NAALADL2: variants seen among roughly 807,000 people sequenced by gnomAD.
NAALADL2 encodes the protein N-acetylated alpha-linked acidic dipeptidase like 2.
In NAALADL2, 76 loss-of-function variants were observed where a neutral mutation model predicts 87.2. The observed-to-expected ratio is 0.87, with a 90% CI of 0.72 to 1.05. The LOEUF (loss-of-function observed/expected upper bound fraction) is 1.05. Among genes scored for constraint, NAALADL2 ranks in the 50% least tolerant of loss-of-function variants. The pLI is 0.00. For missense variants in NAALADL2, 1,089 were observed against 945.8 expected, an observed-to-expected ratio of 1.15 and a Z score of -1.99; for synonymous variants, 354 against 331.0, an observed-to-expected ratio of 1.07 and a Z score of -0.75.
intron 2 of NAALADL2, among the ~76,000 whole-genome samples, chr3:174,553,245 TATA>T (rs1327067392): frequency 1.3e-5 from 2 of 152,196 alleles, no homozygotes; most frequent in African/African-American, 4.8e-5. Context: ...TGGCAAATGT[TATA>T]ATAATTAGAA....
chr3:174,986,048 A>G (rs1171802577), intron 1 of NAALADL2, among the ~76,000 whole-genome samples: 1 of 152,110 alleles, frequency 6.6e-6, no homozygotes, highest in Non-Finnish European at 1.5e-5. Context: ...TAAGTTTGTC[A>G]TTGTCTACAT....
At chr3:175,530,913 C>G (rs1163987976) in intron 9 of NAALADL2, among the ~76,000 whole-genome samples, 1 of 152,102 alleles carries the variant, frequency 6.6e-6, no homozygotes, top group Admixed American at 6.6e-5. Context: ...CCACCAAAGC[C>G]CAGTAACAGG....
At chr3:174,843,237 A>G (rs1246511559) in intron 3 of NAALADL2, among the ~76,000 whole-genome samples, 1 of 151,958 alleles carries the variant, frequency 6.6e-6, no homozygotes, top group Non-Finnish European at 1.5e-5. Context: ...TATCTGATCA[A>G]TCTCTTCCCA....
intron 2 of NAALADL2, among the ~76,000 whole-genome samples, chr3:175,108,962 A>G (rs1279750512): frequency 2.0e-5 from 3 of 151,838 alleles, no homozygotes; most frequent in African/African-American, 7.2e-5. Context: ...TGTTTGTGCC[A>G]TAGCTAGATC....
intron 11 of NAALADL2, among the ~76,000 whole-genome samples, chr3:175,678,760 A>T (rs547204156): frequency 6.6e-6 from 1 of 152,156 alleles, no homozygotes; most frequent in South Asian, 2.1e-4. Flanking sequence ...GCATTAGGAG[A>T]TATATCTAAT....
chr3:174,513,447 C>T (rs1719738052), intron 1 of NAALADL2: 1 of 152,108 alleles, frequency 6.6e-6, no homozygotes, highest in South Asian at 2.1e-4. Context: ...ATATAACTGG[C>T]ATCTTTCTAA....
intron 1 of NAALADL2, among the ~76,000 whole-genome samples, chr3:174,472,825 T>A (rs1244800868): frequency 6.6e-6 from 1 of 152,188 alleles, no homozygotes; most frequent in Non-Finnish European, 1.5e-5. Context: ...TCCCAAGTGT[T>A]GTTCAGAACC....
chr3:174,452,225 T>C (rs1225197721), intron 1 of NAALADL2, among the ~76,000 whole-genome samples: 2 of 152,260 alleles, frequency 1.3e-5, no homozygotes, highest in Middle Eastern at 3.4e-3. Flanking sequence ...TTTTAAGCAG[T>C]TGTAAACTGT....
At chr3:175,779,443 T>C (rs911510449) in intron 13 of NAALADL2, among the ~76,000 whole-genome samples, 1 of 152,204 alleles carries the variant, frequency 6.6e-6, no homozygotes, top group African/African-American at 2.4e-5. Context: ...TTTTTAGATG[T>C]AATTCATTTT....
intron 1 of NAALADL2, among the ~76,000 whole-genome samples, chr3:174,485,616 A>G (rs1717807137): frequency 6.6e-6 from 1 of 151,998 alleles, no homozygotes. Context: ...TTTTCCTGCA[A>G]AGGACATGAT....
intron 9 of NAALADL2, among the ~76,000 whole-genome samples, chr3:175,520,653 A>G (rs1301631263): frequency 7.9e-5 from 12 of 152,212 alleles, no homozygotes; most frequent in Admixed American, 7.9e-4. Flanking sequence ...AAAATAGTGA[A>G]TGCATCTGAA....
intron 2 of NAALADL2, among the ~76,000 whole-genome samples, chr3:175,134,916 ACATATTATAGTT>A (rs1728876609): frequency 6.6e-6 from 1 of 152,210 alleles, no homozygotes; most frequent in Non-Finnish European, 1.5e-5. Flanking sequence ...AATTATACAA[ACATATTATAGTT>A]CAAATTATAA....
chr3:174,643,425 C>T (rs554560933), intron 2 of NAALADL2, among the ~76,000 whole-genome samples: 2 of 152,098 alleles, frequency 1.3e-5, no homozygotes, highest in Admixed American at 6.5e-5. Context: ...AGGCTGAAGC[C>T]AGCAGATCAC....
chr3:175,219,695 C>G (rs1035656457), intron 2 of NAALADL2, among the ~76,000 whole-genome samples: 3 of 151,936 alleles, frequency 2.0e-5, no homozygotes, highest in East Asian at 1.9e-4. Context: ...TTTTTGTACT[C>G]TATATTCTGT....
intron 10 of NAALADL2, among the ~76,000 whole-genome samples, chr3:175,596,731 T>G (rs1722294116): frequency 6.6e-6 from 1 of 151,948 alleles, no homozygotes; most frequent in African/African-American, 2.4e-5. Context: ...TTAAATTATT[T>G]ATTGGCAGAT....
At chr3:175,299,046 A>G (rs933676791) in intron 4 of NAALADL2, among the ~76,000 whole-genome samples, 5 of 152,008 alleles carry the variant, frequency 3.3e-5, no homozygotes, top group Admixed American at 6.6e-5. Flanking sequence ...GGAACAACTT[A>G]AATACTACAG....
intron 11 of NAALADL2, among the ~76,000 whole-genome samples, chr3:175,630,668 C>G (rs1023176815): frequency 1.3e-5 from 2 of 151,394 alleles, no homozygotes; most frequent in Non-Finnish European, 3.0e-5. Context: ...AGAGTTGAGG[C>G]CTTTAGAATA....
At chr3:174,636,678 G>A (rs943775406) in intron 2 of NAALADL2, among the ~76,000 whole-genome samples, 1 of 152,050 alleles carries the variant, frequency 6.6e-6, no homozygotes, top group African/African-American at 2.4e-5. Flanking sequence ...AGGATACAGA[G>A]AAAAGGGAAC....
intron 2 of NAALADL2, among the ~76,000 whole-genome samples, chr3:175,146,186 T>C (rs867090849): frequency 4.6e-4 from 70 of 152,206 alleles, no homozygotes; most frequent in African/African-American, 1.7e-3. Context: ...TGTGTGTCTG[T>C]TGACTCTTAC....
Sources: gnomAD v4.1 joint callset for allele counts (sites outside exome capture counted in the v4.1 genomes callset) on GRCh38, gnomAD v4.1.1 for gene constraint, MANE v1.5 for transcripts, NCBI Gene and HGNC (gene_info 2026-07-23, HGNC 2026-07-21) for gene names.